Variants in ZSWIM5 observed in about 807,000 individuals in gnomAD.
ZSWIM5 encodes the protein zinc finger SWIM-type containing 5, also known as zinc finger SWIM domain-containing protein 5.
ZSWIM5 carries 55 observed loss-of-function variants against 119.6 expected under a neutral mutation model. The observed-to-expected ratio is 0.46, with a 90% CI of 0.37 to 0.58. The LOEUF (loss-of-function observed/expected upper bound fraction) is 0.58. Ranked by LOEUF, ZSWIM5 falls within the 20% of genes least tolerant of loss-of-function variation. The pLI, the probability that ZSWIM5 is intolerant of heterozygous loss-of-function variation, is 0.00. For synonymous variants in ZSWIM5, 537 were observed against 606.9 expected (o/e 0.88, Z 1.69); for missense variants, 1,193 against 1,512.8 (o/e 0.79, Z 3.51).
At chr1:45,184,317 C>T (rs1164497218) in intron 1 of ZSWIM5, among the ~76,000 whole-genome samples, 1 of 151,744 alleles carries the variant, frequency 6.6e-6, no homozygotes, top group Non-Finnish European at 1.5e-5. Flanking sequence ...AAACTGGAAG[C>T]ATTCCCTTTG....
rs530513626 is a variant in ZSWIM5, at chr1:45,044,987, C to T, written c.1433-1592G>A. ...CTGGTCTCCAGCCTGAGTAACAAAG[C>T]AAGATCATGCCTCAGAAAAAAGAAA... On this transcript the variant is annotated intron_variant, in intron 5 of 13. Transcript: ENST00000359600. Among the ~76,000 whole-genome samples, 5 of 144,700 alleles carry T rather than the reference C, an allele frequency of 3.5e-5. No homozygotes were observed. In the East Asian group the frequency reaches 6.1e-4, roughly 18 times the overall value. The allele number at this position is 144,700 out of a possible 152,430, so 94.9% of individuals were successfully genotyped here. A position where few individuals can be genotyped will look rare whatever the true frequency, so the allele number is the denominator to read the frequency against.
intron 1 of ZSWIM5, among the ~76,000 whole-genome samples, chr1:45,114,310 A>G (rs1211610425): frequency 6.6e-6 from 1 of 152,192 alleles, no homozygotes; most frequent in Non-Finnish European, 1.5e-5. Context: ...GTCTCAATAT[A>G]ATTGTAAAGA....
intron 11 of ZSWIM5, among the ~76,000 whole-genome samples, 200 bp downstream of exon 11, chr1:45,034,112 A>G (rs1644968562): frequency 6.6e-6 from 1 of 152,158 alleles, no homozygotes; most frequent in Non-Finnish European, 1.5e-5. Flanking sequence ...TCGGCCTCCC[A>G]AAGTGCTGGG....
intron 1 of ZSWIM5, among the ~76,000 whole-genome samples, chr1:45,191,140 G>T (rs1646090089): frequency 6.6e-6 from 1 of 150,406 alleles, no homozygotes; most frequent in East Asian, 2.0e-4. Flanking sequence ...TAGAGACCTC[G>T]TGATCCGCCC....
At chr1:45,137,752 C>T (rs1372273546) in intron 1 of ZSWIM5, among the ~76,000 whole-genome samples, 1 of 152,176 alleles carries the variant, frequency 6.6e-6, no homozygotes, top group African/African-American at 2.4e-5. Flanking sequence ...GAAGTTAGAG[C>T]AGTAACACAG....
intron 1 of ZSWIM5, among the ~76,000 whole-genome samples, chr1:45,101,276 C>A (rs1433791888): frequency 1.3e-5 from 2 of 152,138 alleles, no homozygotes; most frequent in African/African-American, 2.4e-5. Flanking sequence ...AGGCAGCCAA[C>A]AGACACATGA....
Position 45,084,418 on chromosome 1 carries a change from CA to C in ZSWIM5, c.952+3462del, listed in dbSNP as rs141765624. Among the ~76,000 whole-genome samples, 1,252 of 152,230 alleles carry C rather than the reference CA, an allele frequency of 8.2e-3. 14 individuals are homozygous for C. Among genetic ancestry groups the C allele is most frequent in the African/African-American group, 0.027 (1,117 of 41,536 alleles). ...CCCCTTCTAAATCTCATATCCTTCT[CA>C]CATTGCAAAATACAATCACCCTTCT... On this transcript the variant is annotated intron_variant, in intron 2 of 13. Coordinates refer to ENST00000359600, the MANE Select transcript of ZSWIM5 (RefSeq NM_020883.2).
chr1:45,020,909 C>T lies in ZSWIM5; in HGVS notation c.2450-121G>A, dbSNP rs998417. 19,928 of 1,215,544 alleles carry T rather than the reference C, an allele frequency of 0.016. 1,326 individuals are homozygous for T. The East Asian group carries it at 0.2, about 13-fold the overall frequency. 75.3% of individuals were successfully genotyped at this position (1,215,544 alleles called of 1,614,324 possible). A position where few individuals can be genotyped will look rare whatever the true frequency, so the allele number is the denominator to read the frequency against. On this transcript the variant is annotated intron_variant, in intron 11 of 13. Coordinates refer to ENST00000359600, the MANE Select transcript of ZSWIM5 (RefSeq NM_020883.2). ...TTCATTGAATGCTTCTGAATGCTAC[C>T]GCCCCTTCTGGGTTATCGAGCTGTC...
At chr1:45,203,808 C>G (rs1435377314) in intron 1 of ZSWIM5, among the ~76,000 whole-genome samples, 1 of 152,006 alleles carries the variant, frequency 6.6e-6, no homozygotes, top group African/African-American at 2.4e-5. Context: ...AAATTAAGGT[C>G]AGAATAATAA....
intron 1 of ZSWIM5, among the ~76,000 whole-genome samples, chr1:45,123,343 AT>A (rs55763071): frequency 0.33 from 50,590 of 152,034 alleles, 9,633 homozygotes; most frequent in African/African-American, 0.53. Context: ...TTATAAAAAC[AT>A]TTTCAATGAG....
At chr1:45,052,410 C>A (rs1414983436) in intron 4 of ZSWIM5, among the ~76,000 whole-genome samples, 1 of 152,266 alleles carries the variant, frequency 6.6e-6, no homozygotes, top group Non-Finnish European at 1.5e-5. Flanking sequence ...CAAAGCCTCT[C>A]AAAGCCAAAT....
In ZSWIM5 at chr1:45,072,172, A is replaced by G. The variant is rs1343199361; in HGVS notation, c.953-11925T>C. Among the ~76,000 whole-genome samples, 1 of 151,354 alleles carries G rather than the reference A, an allele frequency of 6.6e-6. No homozygotes were observed. Among genetic ancestry groups the G allele is most frequent in the Admixed American group, 6.5e-5 (1 of 15,268 alleles). On this transcript the variant is annotated intron_variant, in intron 2 of 13. Coordinates refer to ENST00000359600, the MANE Select transcript of ZSWIM5 (RefSeq NM_020883.2). This position sits in a 1 kb window ranked among gnomAD's most constrained non-coding sequence, Gnocchi z 4.1. ...GGTTTTGATTTGCATTTCTCTGATG[A>G]CAAATGATATTGAGTACCTTTTCAT...
chr1:45,109,853 G>A (rs1645505150), intron 1 of ZSWIM5, among the ~76,000 whole-genome samples: 2 of 151,514 alleles, frequency 1.3e-5, no homozygotes, highest in South Asian at 2.1e-4. Context: ...GAATTCTCAC[G>A]CTCTATGTAC....
chr1:45,129,925 T>C (rs914146563), intron 1 of ZSWIM5, among the ~76,000 whole-genome samples: 5 of 151,246 alleles, frequency 3.3e-5, no homozygotes, highest in Non-Finnish European at 4.4e-5. Context: ...TGAGATGGAG[T>C]TCTGCTCTGT....
chr1:45,144,554 C>T (rs1246826209), intron 1 of ZSWIM5, among the ~76,000 whole-genome samples: 5 of 151,886 alleles, frequency 3.3e-5, no homozygotes, highest in African/African-American at 1.2e-4. Flanking sequence ...TATGGCCAAT[C>T]GATTTTGCAA....
chr1:45,083,535 C>T (rs1404133274), intron 2 of ZSWIM5, among the ~76,000 whole-genome samples: 3 of 152,130 alleles, frequency 2.0e-5, no homozygotes, highest in Non-Finnish European at 4.4e-5. Flanking sequence ...CAAGCGTTAG[C>T]CACCATGCCC....
At chr1:45,038,602 G>GTTTTTTTTTTTTTTT (rs1644999570) in intron 8 of ZSWIM5, among the ~76,000 whole-genome samples, 2 of 3,716 alleles carry the variant, frequency 5.4e-4, no homozygotes, top group Non-Finnish European at 8.0e-4. Context: ...GACGAGGGCA[G>GTTTTTTTTTTTTTTT]TCTTTTTTTT....
At chr1:45,100,118 G>A (rs1271098774) in intron 1 of ZSWIM5, among the ~76,000 whole-genome samples, 1 of 152,196 alleles carries the variant, frequency 6.6e-6, no homozygotes, top group African/African-American at 2.4e-5. Flanking sequence ...GTCCCTGTTT[G>A]CAGATGACAT....
intron 11 of ZSWIM5, among the ~76,000 whole-genome samples, chr1:45,030,890 T>C (rs988888352): frequency 1.3e-5 from 2 of 149,172 alleles, no homozygotes; most frequent in African/African-American, 4.9e-5. Context: ...TCTGTCTCCC[T>C]GATTCAAGCA....
Sources: allele counts gnomAD v4.1 joint callset (sites outside exome capture counted in the v4.1 genomes callset), GRCh38; gene constraint gnomAD v4.1.1; non-coding constraint Gnocchi (gnomAD v3.1); transcripts MANE v1.5; gene names NCBI Gene and HGNC (gene_info 2026-07-23, HGNC 2026-07-21).